Variants in TENM1 observed in about 807,000 individuals in gnomAD.
The protein encoded by TENM1 is teneurin-1.
A neutral mutation model predicts 174.8 loss-of-function variants in TENM1; 35 were observed. The ratio of observed to expected loss-of-function variants is 0.20; its 90% CI spans 0.15 to 0.27. The LOEUF is 0.27. Among genes scored for constraint, TENM1 ranks in the 10% least tolerant of loss-of-function variants. The pLI is 1.00. For missense variants in TENM1, 1,633 were observed against 2,130.1 expected (o/e 0.77, Z 4.59); for synonymous variants, 781 against 798.7 (o/e 0.98, Z 0.37).
chrX:124,959,124 T>A (rs1373591590), intron 1 of TENM1, among the ~76,000 whole-genome samples: 1 of 111,409 alleles, frequency 9.0e-6, no homozygotes, highest in East Asian at 2.8e-4. Context: ...TGACATACAT[T>A]TGCAAAAATT....
At chrX:124,729,821 G>C (rs2148537231) in intron 4 of TENM1, among the ~76,000 whole-genome samples, 1 of 112,130 alleles carries the variant, frequency 8.9e-6, no homozygotes, top group African/African-American at 3.2e-5. Flanking sequence ...AAGGGGGATG[G>C]TTCTGATGAT....
intron 1 of TENM1, among the ~76,000 whole-genome samples, chrX:124,946,905 A>G (rs958269037): frequency 1.9e-5 from 2 of 106,824 alleles, no homozygotes; most frequent in African/African-American, 7.2e-5. Context: ...ATGAACTTTA[A>G]AAGAAGTGAA....
the TENM1 span, among the ~76,000 whole-genome samples, chrX:125,119,203 T>A: frequency 0.26 from 28,203 of 110,434 alleles, 2,774 homozygotes; most frequent in Admixed American, 0.38. Context: ...GCTTTTTTAA[T>A]GTTTTATTTT....
At chrX:125,137,254 T>C in the TENM1 span, among the ~76,000 whole-genome samples, 2 of 111,271 alleles carry the variant, frequency 1.8e-5, no homozygotes, top group Non-Finnish European at 3.8e-5. Context: ...TATGGAGCCA[T>C]AGTGGCCTGC....
chrX:124,762,134 T>C (rs1373539718), intron 3 of TENM1, among the ~76,000 whole-genome samples: 1 of 111,974 alleles, frequency 8.9e-6, no homozygotes, highest in Non-Finnish European at 1.9e-5. Context: ...TGTTCTCACA[T>C]GGTGGGGAGA....
chrX:124,671,658 C>A (rs767252463), intron 6 of TENM1, 25 bp downstream of exon 9: 1 of 1,188,145 alleles, frequency 8.4e-7, no homozygotes, highest in Non-Finnish European at 1.1e-6. Flanking sequence ...AAGTAATCAA[C>A]AATCAATCAT....
chrX:124,693,819 G>C (rs1236643432), intron 5 of TENM1, among the ~76,000 whole-genome samples: 1 of 110,043 alleles, frequency 9.1e-6, no homozygotes, highest in Non-Finnish European at 1.9e-5. Flanking sequence ...ATAGAGCTTT[G>C]TGTAGGTGTT....
chrX:124,546,869 T>C lies in TENM1; in HGVS notation c.2651+5A>G. On this transcript the variant is annotated splice_donor_5th_base_variant and intron_variant, in intron 15 of 31. Coordinates refer to ENST00000422452, the Ensembl canonical transcript of TENM1. ...CACTAAGGAATAAAATAAATACATA[T>C]GTACCTGCTGTCAAATGACACCTCA... 2 of 1,180,427 alleles carry C rather than the reference T, an allele frequency of 1.7e-6. No individual in the cohort carries two copies. Among genetic ancestry groups the C allele is most frequent in the Non-Finnish European group, 2.3e-6 (2 of 867,202 alleles).
the TENM1 span, among the ~76,000 whole-genome samples, chrX:125,057,943 A>G: frequency 2.9e-4 from 33 of 111,988 alleles, no homozygotes; most frequent in Non-Finnish European, 5.5e-4. Flanking sequence ...AATAAGTGAC[A>G]TAAGAGTGTG....
At chrX:124,686,741 C>T in intron 5 of TENM1, among the ~76,000 whole-genome samples, 1 of 112,090 alleles carries the variant, frequency 8.9e-6, no homozygotes, top group South Asian at 3.7e-4. Flanking sequence ...TAAAAACTCT[C>T]AATAAACTAG....
chrX:124,689,049 T>C (rs1421935781), intron 5 of TENM1, among the ~76,000 whole-genome samples: 1 of 111,762 alleles, frequency 8.9e-6, no homozygotes, highest in Non-Finnish European at 1.9e-5. Context: ...TATACCTCAA[T>C]AAATATGGAA....
At chrX:124,437,564 C>T (rs767872474) in intron 23 of TENM1, among the ~76,000 whole-genome samples, 1 of 111,911 alleles carries the variant, frequency 8.9e-6, no homozygotes, top group Non-Finnish European at 1.9e-5. Context: ...GATCATGTGA[C>T]TCTCCCATGT....
chrX:124,932,280 T>C (rs1245293446), intron 1 of TENM1, among the ~76,000 whole-genome samples: 1 of 112,162 alleles, frequency 8.9e-6, no homozygotes, highest in African/African-American at 3.2e-5. Context: ...ATTGAGGCAG[T>C]GGCAATAGTG....
At chrX:124,509,131 G>T (rs1342658892) in intron 18 of TENM1, among the ~76,000 whole-genome samples, 5 of 110,703 alleles carry the variant, frequency 4.5e-5, no homozygotes, top group Non-Finnish European at 9.5e-5. Flanking sequence ...TGTAATAAAG[G>T]TTATGATGGG....
At chrX:124,588,254 T>C (rs1490941029) in intron 11 of TENM1, among the ~76,000 whole-genome samples, 5 of 111,173 alleles carry the variant, frequency 4.5e-5, no homozygotes, top group Non-Finnish European at 9.4e-5. Flanking sequence ...ATGTTTATTG[T>C]GGCACTATTC....
intron 23 of TENM1, among the ~76,000 whole-genome samples, chrX:124,452,917 A>G (rs891473231): frequency 6.4e-5 from 7 of 108,618 alleles, no homozygotes; most frequent in Non-Finnish European, 1.1e-4. Context: ...TGTAAATGAC[A>G]AGTTAATGGG....
chrX:124,986,214 G>C, the TENM1 span, among the ~76,000 whole-genome samples: 1 of 111,629 alleles, frequency 9.0e-6, no homozygotes, highest in South Asian at 3.8e-4. Context: ...ATGGCTTTGG[G>C]AGGGGCTAGA....
the TENM1 span, among the ~76,000 whole-genome samples, chrX:125,100,149 T>G: frequency 2.7e-5 from 3 of 111,829 alleles, no homozygotes; most frequent in Admixed American, 9.6e-5. Flanking sequence ...TATGTGTGTA[T>G]GTATGTATGT....
the TENM1 span, among the ~76,000 whole-genome samples, chrX:124,987,027 A>G: frequency 9.0e-6 from 1 of 111,721 alleles, no homozygotes; most frequent in African/African-American, 3.3e-5. Context: ...TTCCTTCACC[A>G]CATCCTTCAC....
Sources: allele counts gnomAD v4.1 joint callset (sites outside exome capture counted in the v4.1 genomes callset), GRCh38; gene constraint gnomAD v4.1.1; transcripts MANE v1.5; gene names NCBI Gene and HGNC (gene_info 2026-07-23, HGNC 2026-07-21).